The following WWC2 variants were observed in gnomAD, a reference collection of about 807,000 sequenced individuals.
WWC2 encodes WW and C2 domain containing 2, also known as protein WWC2.
WWC2 carries 101 observed loss-of-function variants against 138.5 expected under a neutral mutation model. The ratio of observed to expected loss-of-function variants is 0.73; its 90% CI spans 0.62 to 0.86. WWC2 has a LOEUF of 0.86. Among genes scored for constraint, WWC2 ranks in the 40% least tolerant of loss-of-function variants. The pLI, the probability that WWC2 is intolerant of heterozygous loss-of-function variation, is 0.00. For synonymous variants in WWC2, 558 were observed against 538.4 expected (o/e 1.04, Z -0.50); for missense variants, 1,420 against 1,419.4 (o/e 1.00, Z -0.01).
At chr4:183,187,789 C>G (rs1734858055) in intron 1 of WWC2, among the ~76,000 whole-genome samples, 1 of 151,646 alleles carries the variant, frequency 6.6e-6, no homozygotes, top group African/African-American at 2.4e-5. Context: ...AGGAGAATCA[C>G]TTGAACCTGG....
At chr4:183,123,875 C>T (rs758069921) in intron 1 of WWC2, among the ~76,000 whole-genome samples, 22 of 151,658 alleles carry the variant, frequency 1.5e-4, no homozygotes, top group African/African-American at 4.4e-4. Context: ...AGGATTTTTA[C>T]GTGAATATTT....
intron 1 of WWC2, among the ~76,000 whole-genome samples, chr4:183,186,394 G>T (rs996266783): frequency 1.3e-5 from 2 of 152,194 alleles, no homozygotes; most frequent in Non-Finnish European, 2.9e-5. Context: ...GTAGGATTAA[G>T]TGTTAGATGG....
intron 9 of WWC2, among the ~76,000 whole-genome samples, chr4:183,256,526 G>T (rs1053095510): frequency 6.6e-6 from 1 of 152,032 alleles, no homozygotes; most frequent in Non-Finnish European, 1.5e-5. Flanking sequence ...TGCTGCTGTT[G>T]CACTGACGCC....
At position 183,143,322 on chromosome 4, in the gene WWC2, G is replaced by A. The variant is rs1398378055; in HGVS notation, c.131+43700G>A. On this transcript the variant is annotated intron_variant, in intron 1 of 22. Transcript: ENST00000403733. The stretch of plus-strand genomic sequence containing the variant: ...TACTCTTGATTTGCATTCCAGTCAT[G>A]GCATCTGCTTTCTCATACTCCTTCT... 5.9e-5 allele frequency among the ~76,000 whole-genome samples: 9 copies of A among 152,142 alleles called. No homozygotes were observed. The East Asian group carries it at 1.7e-3, about 29-fold the overall frequency.
At chr4:183,109,658 T>C (rs1021434099) in intron 1 of WWC2, among the ~76,000 whole-genome samples, 6 of 152,202 alleles carry the variant, frequency 3.9e-5, no homozygotes, top group African/African-American at 1.4e-4. Flanking sequence ...CAGGCGGTCA[T>C]GCTTGCTCGC....
intron 1 of WWC2, among the ~76,000 whole-genome samples, chr4:183,107,963 A>C (rs1732092612): frequency 6.6e-6 from 1 of 152,106 alleles, no homozygotes; most frequent in South Asian, 2.1e-4. Context: ...CTTCCTAAAC[A>C]CTCAGAGGGA....
intron 16 of WWC2, among the ~76,000 whole-genome samples, chr4:183,271,955 A>AT (rs1737707970): frequency 6.6e-6 from 1 of 152,178 alleles, no homozygotes; most frequent in Non-Finnish European, 1.5e-5. Flanking sequence ...GCAGTGAGCC[A>AT]TGATCATGCC....
intron 21 of WWC2, among the ~76,000 whole-genome samples, chr4:183,289,960 T>G (rs1339008255): frequency 6.6e-6 from 1 of 152,038 alleles, no homozygotes; most frequent in Non-Finnish European, 1.5e-5. Context: ...CATATTGTTC[T>G]CCATCTTAAC....
At chr4:183,235,931 T>C (rs1736410630) in intron 4 of WWC2, among the ~76,000 whole-genome samples, 1 of 152,252 alleles carries the variant, frequency 6.6e-6, no homozygotes, top group South Asian at 2.1e-4. Flanking sequence ...TTAAGACTTC[T>C]ATTTTATGTC....
At chr4:183,281,212 T>C (rs150826187) in intron 17 of WWC2, 116 of 389,046 alleles carry the variant, frequency 3.0e-4, no homozygotes, top group African/African-American at 2.2e-3. Context: ...TGTAGAGTTA[T>C]AGATAATTTT....
chr4:183,189,379 G>A (rs1284079770), intron 1 of WWC2, among the ~76,000 whole-genome samples: 4 of 151,624 alleles, frequency 2.6e-5, no homozygotes, highest in African/African-American at 9.7e-5. Context: ...GGAGGTTGCA[G>A]TGAGCCGAGA....
At chr4:183,297,174 T>C (rs1168013275) in intron 21 of WWC2, among the ~76,000 whole-genome samples, 1 of 151,892 alleles carries the variant, frequency 6.6e-6, no homozygotes, top group African/African-American at 2.4e-5. Context: ...GGTTTCACTG[T>C]ATTGCCCAGG....
chr4:183,299,000 T>C (rs542711883), intron 21 of WWC2, among the ~76,000 whole-genome samples: 3 of 152,268 alleles, frequency 2.0e-5, no homozygotes, highest in African/African-American at 7.2e-5. Flanking sequence ...AACTATGCTG[T>C]CTTAGTCCAT....
At chr4:183,200,169 A>C (rs1580051023) in intron 2 of WWC2, among the ~76,000 whole-genome samples, 1 of 152,158 alleles carries the variant, frequency 6.6e-6, no homozygotes, top group South Asian at 2.1e-4. Context: ...TTCCTGACCT[A>C]TCCAAGACAA....
intron 1 of WWC2, among the ~76,000 whole-genome samples, chr4:183,162,335 A>G (rs1290724477): frequency 1.3e-5 from 2 of 152,190 alleles, no homozygotes; most frequent in Non-Finnish European, 2.9e-5. Flanking sequence ...AAATTCTCAA[A>G]GGTCATGGAA....
At position 183,256,899 on chromosome 4, in the gene WWC2, C is replaced by A. The variant is rs11736049; in HGVS notation, c.1197-2740C>A. 1.9e-4 allele frequency among the ~76,000 whole-genome samples: 17 copies of A among 90,554 alleles called. 2 individuals carry two copies. In the South Asian group the frequency reaches 2.5e-3, roughly 13 times the overall value. 59.4% of individuals were successfully genotyped at this position (90,554 alleles called of 152,430 possible). On this transcript the variant is annotated intron_variant, in intron 9 of 22. Coordinates refer to ENST00000403733, the MANE Select transcript of WWC2 (RefSeq NM_024949.6). ...TGATCCTACAGCCCCCCCCCCCCCC[C>A]CCCCGGCTCTGTTCCTGCCCCCACA...
rs181750710 is a variant in WWC2, at chr4:183,230,537, C to A, written c.523-9646C>A. 1.3e-3 allele frequency among the ~76,000 whole-genome samples: 199 copies of A among 152,244 alleles called. 1 individual carries two copies. The highest frequency in any genetic ancestry group is 2.5e-3 in the Non-Finnish European group (170 of 68,030). On this transcript the variant is annotated intron_variant, in intron 4 of 22. Coordinates refer to ENST00000403733, the MANE Select transcript of WWC2 (RefSeq NM_024949.6). Reference sequence around the variant, plus strand: ...ACTAAAAATACAAAAGTCAGTCAGGCGCAGTGGCGCACGCCTGTAATCCCA... The same window carrying A: ...ACTAAAAATACAAAAGTCAGTCAGGAGCAGTGGCGCACGCCTGTAATCCCA...
intron 21 of WWC2, among the ~76,000 whole-genome samples, chr4:183,292,270 TC>T (rs1738480922): frequency 6.6e-6 from 1 of 150,408 alleles, no homozygotes; most frequent in African/African-American, 2.5e-5. Flanking sequence ...ACACACATAC[TC>T]CCAGTGCTTT....
rs554379284 is a variant in WWC2, at chr4:183,099,586, A to C, written c.95A>C (p.Asn32Thr). ...YDGKVFYIDHNTRRTSWIDPR... is the reference protein window; with the variant it reads ...YDGKVFYIDHTTRRTSWIDPR... ...GGCAAGGTCTTCTACATTGACCACA[A>C]CACCAGGAGGACCAGCTGGATCGAC... The change falls in exon 1 of 23, where the codon AAC becomes ACC. Residue 32 changes from asparagine to threonine, a missense_variant. Physicochemically the swap from Asn to Thr is moderately conservative, Grantham distance 65. Transcript: ENST00000403733. The C allele has an allele frequency of 2.0e-5, 28 of 1,397,904 alleles. No homozygotes were observed. The highest frequency in any genetic ancestry group is 3.3e-5 in the East Asian group (1 of 30,544). The allele number at this position is 1,397,904 out of a possible 1,614,324, so 86.6% of individuals were successfully genotyped here. A position where few individuals can be genotyped will look rare whatever the true frequency, so the allele number is the denominator to read the frequency against.
Sources: allele counts gnomAD v4.1 joint callset (sites outside exome capture counted in the v4.1 genomes callset), GRCh38; gene constraint gnomAD v4.1.1; transcripts MANE v1.5; gene names NCBI Gene and HGNC (gene_info 2026-07-23, HGNC 2026-07-21).